The following QTMAN variants were observed in gnomAD, a reference collection of about 807,000 sequenced individuals.
QTMAN encodes the protein queuosine-tRNA mannosyltransferase.
At chr2:143,973,557 G>A in the QTMAN span, among the ~76,000 whole-genome samples, 4 of 152,014 alleles carry the variant, frequency 2.6e-5, no homozygotes, top group Non-Finnish European at 4.4e-5. Flanking sequence ...TTGGGAGGCC[G>A]AGACGGGCGG....
chr2:144,035,338 C>T, the QTMAN span, among the ~76,000 whole-genome samples: 2 of 152,246 alleles, frequency 1.3e-5, no homozygotes, highest in East Asian at 3.9e-4. Context: ...TACCCAGTCT[C>T]AGGTAGTTCT....
chr2:144,224,913 T>C, the QTMAN span, among the ~76,000 whole-genome samples: 4 of 152,196 alleles, frequency 2.6e-5, no homozygotes, highest in Non-Finnish European at 5.9e-5. Context: ...ATGATAAATG[T>C]AGAACATTTG....
the QTMAN span, among the ~76,000 whole-genome samples, chr2:144,258,650 A>T: frequency 1.3e-5 from 2 of 152,208 alleles, no homozygotes; most frequent in Non-Finnish European, 2.9e-5. Context: ...CAACATCCAT[A>T]AGCTCTTCTT....
chr2:144,008,017 C>T, the QTMAN span, among the ~76,000 whole-genome samples: 4 of 152,128 alleles, frequency 2.6e-5, no homozygotes, highest in African/African-American at 7.2e-5. Flanking sequence ...ATTGACTTGG[C>T]TAATGTTTCC....
the QTMAN span, among the ~76,000 whole-genome samples, chr2:144,013,813 G>A: frequency 3.3e-5 from 5 of 152,152 alleles, no homozygotes; most frequent in Non-Finnish European, 7.3e-5. Flanking sequence ...GCCAAACAAT[G>A]TGGTGGAAAT....
At chr2:144,321,770 T>C in the QTMAN span, among the ~76,000 whole-genome samples, 2 of 150,286 alleles carry the variant, frequency 1.3e-5, no homozygotes, top group South Asian at 4.2e-4. Context: ...ACCGGGCTAA[T>C]TTTTTTTTTA....
chr2:144,263,363 AAT>A, the QTMAN span, among the ~76,000 whole-genome samples: 3 of 152,156 alleles, frequency 2.0e-5, no homozygotes, highest in African/African-American at 7.2e-5. Context: ...CGTTCAGGTG[AAT>A]AGAGAAACAG....
chr2:144,080,843 A>T, the QTMAN span, among the ~76,000 whole-genome samples: 1 of 152,158 alleles, frequency 6.6e-6, no homozygotes, highest in Non-Finnish European at 1.5e-5. Context: ...CTTGAAGGAA[A>T]ATTGTCATGT....
the QTMAN span, among the ~76,000 whole-genome samples, chr2:143,955,426 T>A: frequency 6.6e-6 from 1 of 152,116 alleles, no homozygotes; most frequent in South Asian, 2.1e-4. Flanking sequence ...TCTAAGAAAG[T>A]GATACATTCC....
At chr2:144,310,234 A>G in the QTMAN span, among the ~76,000 whole-genome samples, 3 of 152,190 alleles carry the variant, frequency 2.0e-5, no homozygotes, top group Non-Finnish European at 4.4e-5. Context: ...AGCAAGCGCA[A>G]AAGCCCCAAG....
At chr2:144,210,428 C>T in the QTMAN span, among the ~76,000 whole-genome samples, 1 of 152,166 alleles carries the variant, frequency 6.6e-6, no homozygotes, top group African/African-American at 2.4e-5. Flanking sequence ...ATTTTAAGTT[C>T]AGTAATTTTC....
At chr2:144,017,734 A>C in the QTMAN span, among the ~76,000 whole-genome samples, 1 of 152,240 alleles carries the variant, frequency 6.6e-6, no homozygotes, top group African/African-American at 2.4e-5. Flanking sequence ...ATTATTTTTT[A>C]TATTGATAAT....
At chr2:144,005,870 A>G in the QTMAN span, 2 of 152,102 alleles carry the variant, frequency 1.3e-5, no homozygotes, top group Non-Finnish European at 2.9e-5. Context: ...CAGACTAGAA[A>G]TTATTTAATT....
chr2:144,099,557 C>A, the QTMAN span, among the ~76,000 whole-genome samples: 15 of 152,246 alleles, frequency 9.9e-5, no homozygotes, highest in Admixed American at 9.2e-4. Flanking sequence ...GCACTGGACA[C>A]CTGAATAAAC....
At chr2:143,991,581 G>A in the QTMAN span, among the ~76,000 whole-genome samples, 8 of 146,626 alleles carry the variant, frequency 5.5e-5, no homozygotes, top group African/African-American at 1.5e-4. Flanking sequence ...CCCCCCGCCC[G>A]ACCAGCCGCC....
At chr2:144,329,772 G>A in the QTMAN span, among the ~76,000 whole-genome samples, 4 of 152,106 alleles carry the variant, frequency 2.6e-5, no homozygotes, top group African/African-American at 4.8e-5. Flanking sequence ...ACACAAAAAA[G>A]GAACTGAGTT....
chr2:144,094,609 A>T, the QTMAN span, among the ~76,000 whole-genome samples: 1 of 152,212 alleles, frequency 6.6e-6, no homozygotes, highest in Non-Finnish European at 1.5e-5. Context: ...ATCTCATGAA[A>T]CTCACTCATT....
chr2:144,250,541 T>C, the QTMAN span, among the ~76,000 whole-genome samples: 1 of 152,196 alleles, frequency 6.6e-6, no homozygotes, highest in South Asian at 2.1e-4. Context: ...ATAATCATTA[T>C]AATTTCCTAA....
At chr2:144,175,685 A>C in the QTMAN span, among the ~76,000 whole-genome samples, 1 of 152,158 alleles carries the variant, frequency 6.6e-6, no homozygotes, top group Non-Finnish European at 1.5e-5. Flanking sequence ...AGAGAGAGAG[A>C]GAGAGACTTG....
Sources: gnomAD v4.1 joint callset for allele counts (sites outside exome capture counted in the v4.1 genomes callset) on GRCh38, gnomAD v4.1.1 for gene constraint, MANE v1.5 for transcripts, NCBI Gene and HGNC (gene_info 2026-07-23, HGNC 2026-07-21) for gene names.